Variants in TUBGCP3 observed in about 807,000 individuals in gnomAD.
TUBGCP3 encodes the protein tubulin gamma complex component 3.
A neutral mutation model predicts 123.1 loss-of-function variants in TUBGCP3; 50 were observed. That is an observed-to-expected ratio of 0.41 (90% confidence interval 0.32 to 0.51). TUBGCP3 has a LOEUF of 0.51. Among genes scored for constraint, TUBGCP3 ranks in the 20% least tolerant of loss-of-function variants. The probability of loss-of-function intolerance (pLI) is 0.36; values close to 1 mark genes in which losing one functional copy is unlikely to be tolerated. For missense variants in TUBGCP3, 882 were observed against 1,127.0 expected (o/e 0.78, Z 3.11); for synonymous variants, 405 against 413.9 (o/e 0.98, Z 0.26).
chr13:112,601,052 G>A, the TUBGCP3 span, among the ~76,000 whole-genome samples: 73 of 152,112 alleles, frequency 4.8e-4, no homozygotes, highest in African/African-American at 1.7e-3. Context: ...GTCAAACGCA[G>A]TAGCGTTTGC....
chr13:112,536,621 T>C (rs1011175381), intron 11 of TUBGCP3, among the ~76,000 whole-genome samples: 11 of 152,234 alleles, frequency 7.2e-5, no homozygotes, highest in African/African-American at 2.7e-4. Context: ...GAAATATAAA[T>C]GATTTTTGTT....
intron 19 of TUBGCP3, among the ~76,000 whole-genome samples, chr13:112,503,492 C>T (rs925128989): frequency 6.6e-6 from 1 of 152,090 alleles, no homozygotes; most frequent in African/African-American, 2.4e-5. Flanking sequence ...GTCTCTGCCT[C>T]CCAAGTAGCT....
intron 11 of TUBGCP3, among the ~76,000 whole-genome samples, chr13:112,543,986 A>G (rs1022989132): frequency 6.6e-6 from 1 of 152,216 alleles, no homozygotes. Flanking sequence ...AATGCAAATA[A>G]ACACCCCAGT....
chr13:112,547,587 G>GA, intron 10 of TUBGCP3, 33 bp downstream of exon 10: 1 of 1,455,066 alleles, frequency 6.9e-7, no homozygotes, highest in Non-Finnish European at 9.2e-7. Context: ...TCGCGCGTGG[G>GA]AAAGACGTGC....
At position 112,588,116 on chromosome 13, in the gene TUBGCP3, C is replaced by T; in HGVS notation, c.-136G>A. The stretch of plus-strand genomic sequence containing the variant: ...AGGCTAAGGCGCGGGCGCCGCCGGC[C>T]ACCAGGGCGCCATTTTAACGGAACC... On this transcript the variant is annotated 5_prime_UTR_variant, in exon 1 of 22. An upstream open reading frame in the 5' UTR gains an earlier in-frame stop. Coordinates refer to ENST00000261965, the MANE Select transcript of TUBGCP3 (RefSeq NM_006322.6). 1 of 670,434 alleles carries T rather than the reference C, an allele frequency of 1.5e-6. No homozygotes were observed. The allele number at this position is 670,434 out of a possible 1,614,324, so 41.5% of individuals were successfully genotyped here. A position where few individuals can be genotyped will look rare whatever the true frequency, so the allele number is the denominator to read the frequency against.
chr13:112,588,108 C>G lies in TUBGCP3; in HGVS notation c.-128G>C. Reference sequence around the variant, plus strand: ...CTCCTGACAGGCTAAGGCGCGGGCGCCGCCGGCCACCAGGGCGCCATTTTA... The same window carrying G: ...CTCCTGACAGGCTAAGGCGCGGGCGGCGCCGGCCACCAGGGCGCCATTTTA... On this transcript the variant is annotated 5_prime_UTR_variant, in exon 1 of 22. Transcript: ENST00000261965. 2 of 764,372 alleles carry G rather than the reference C, an allele frequency of 2.6e-6. No homozygotes were observed. The highest frequency in any genetic ancestry group is 3.7e-6 in the Non-Finnish European group (2 of 544,572). The allele number at this position is 764,372 out of a possible 1,614,324, so 47.3% of individuals were successfully genotyped here.
At chr13:112,567,407 G>A (rs1016143444) in intron 2 of TUBGCP3, among the ~76,000 whole-genome samples, 1 of 152,216 alleles carries the variant, frequency 6.6e-6, no homozygotes. Flanking sequence ...GCCATGAAAT[G>A]TAACTTTGTA....
the TUBGCP3 span, chr13:112,605,320 A>AATG: frequency 1.9e-5 from 2 of 106,636 alleles, no homozygotes; most frequent in African/African-American, 5.8e-5. Context: ...TGATAATGAT[A>AATG]ATAATAATAA....
chr13:112,598,137 G>T, the TUBGCP3 span, among the ~76,000 whole-genome samples: 1 of 152,054 alleles, frequency 6.6e-6, no homozygotes, highest in Non-Finnish European at 1.5e-5. Context: ...GAGGCCAGAT[G>T]AAGATGGAAT....
intron 19 of TUBGCP3, among the ~76,000 whole-genome samples, chr13:112,501,981 G>A (rs1484000517): frequency 6.6e-6 from 1 of 152,186 alleles, no homozygotes; most frequent in Non-Finnish European, 1.5e-5. Flanking sequence ...TTCTCCGTAA[G>A]CTGTGTGGAG....
At chr13:112,531,832 T>A (rs1434540803) in intron 11 of TUBGCP3, among the ~76,000 whole-genome samples, 1 of 152,018 alleles carries the variant, frequency 6.6e-6, no homozygotes, top group Non-Finnish European at 1.5e-5. Flanking sequence ...AAAACCAAGG[T>A]CAGAATATAA....
chr13:112,550,663 A>G (rs1879484113), intron 8 of TUBGCP3, among the ~76,000 whole-genome samples: 1 of 152,246 alleles, frequency 6.6e-6, no homozygotes, highest in African/African-American at 2.4e-5. Flanking sequence ...TTACTAAACC[A>G]TAGGTCAGTT....
At chr13:112,536,526 A>C (rs1022252838) in intron 11 of TUBGCP3, among the ~76,000 whole-genome samples, 10 of 152,138 alleles carry the variant, frequency 6.6e-5, no homozygotes, top group African/African-American at 2.2e-4. Context: ...TAAATTTTTT[A>C]CTATGTATTT....
intron 20 of TUBGCP3, among the ~76,000 whole-genome samples, chr13:112,496,842 C>T (rs1379944342): frequency 6.6e-6 from 1 of 152,024 alleles, no homozygotes; most frequent in Admixed American, 6.5e-5. Context: ...AAAAATTAGC[C>T]GGGCATGGTG....
intron 5 of TUBGCP3, among the ~76,000 whole-genome samples, chr13:112,556,814 G>C (rs936139904): frequency 6.6e-6 from 1 of 152,214 alleles, no homozygotes; most frequent in Admixed American, 6.5e-5. Context: ...CAGCAATTTT[G>C]AGACTATGTC....
intron 3 of TUBGCP3, among the ~76,000 whole-genome samples, chr13:112,562,600 C>A (rs535904053): frequency 6.6e-6 from 1 of 152,138 alleles, no homozygotes; most frequent in Non-Finnish European, 1.5e-5. Context: ...GTATAATCTG[C>A]CAGGCCTGGA....
At chr13:112,488,895 C>T (rs796219906) in intron 21 of TUBGCP3, among the ~76,000 whole-genome samples, 13 of 132,144 alleles carry the variant, frequency 9.8e-5, no homozygotes, top group African/African-American at 3.5e-4. Context: ...AGCACAGGGG[C>T]CACCCCCAGG....
rs764939077 is a variant in TUBGCP3 at position 112,504,085 on chromosome 13, C to T, written c.2254G>A (p.Glu752Lys). ...GAGATGATGGTGTCTAAGAACACCT[C>T]GTGTGCAGCAATGATGTGATCCAAA... is the stretch of plus-strand genomic sequence containing the variant. ...QDLDHIIAAH[E>K]VFLDTIISRC... Residue 752 changes from glutamate to lysine, a missense_variant, in exon 19 of 22, where the codon GAG (glutamate) becomes AAG (lysine). By Grantham distance (56) the Glu-to-Lys change is moderately conservative. This residue lies in a region of TUBGCP3 where 160 missense variants were observed against 220.3 expected (regional missense o/e 0.73). Transcript: ENST00000261965. 9.3e-6 allele frequency: 15 copies of T among 1,613,984 alleles called. No individual in the cohort carries two copies. The highest frequency in any genetic ancestry group is 1.6e-4 in the Middle Eastern group (1 of 6,078).
At chr13:112,520,318 C>A (rs1876510774) in intron 14 of TUBGCP3, among the ~76,000 whole-genome samples, 1 of 152,138 alleles carries the variant, frequency 6.6e-6, no homozygotes, top group African/African-American at 2.4e-5. Context: ...CACCTGAGGT[C>A]AGGAGTTTGA....
Sources: gnomAD v4.1 joint callset for allele counts (sites outside exome capture counted in the v4.1 genomes callset) on GRCh38, gnomAD v4.1.1 for gene constraint, gnomAD v4.1.1 regional missense constraint, MANE v1.5 for transcripts, NCBI Gene and HGNC (gene_info 2026-07-23, HGNC 2026-07-21) for gene names.